SORBS2: variants seen among roughly 807,000 people sequenced by gnomAD.
SORBS2 encodes sorbin and SH3 domain containing 2.
Under a neutral mutation model 97.7 loss-of-function variants are expected in SORBS2, and 46 were observed. That is an observed-to-expected ratio of 0.47 (90% CI 0.37 to 0.60). The LOEUF (loss-of-function observed/expected upper bound fraction) is 0.60. Ranked by LOEUF, SORBS2 falls within the 20% of genes least tolerant of loss-of-function variation. The pLI, the probability that SORBS2 is intolerant of heterozygous loss-of-function variation, is 0.00. For missense variants in SORBS2, 1,316 were observed against 1,282.3 expected (o/e 1.03, Z -0.40); for synonymous variants, 476 against 473.4 (o/e 1.01, Z -0.07).
intron 1 of SORBS2, among the ~76,000 whole-genome samples, chr4:185,864,610 A>G (rs2099225731): frequency 2.0e-5 from 3 of 152,166 alleles, no homozygotes; most frequent in African/African-American, 7.2e-5. Context: ...CCTTGGTAAG[A>G]GCAAATAGAT....
chr4:185,945,696 T>C (rs2099274206), intron 1 of SORBS2, among the ~76,000 whole-genome samples: 2 of 152,182 alleles, frequency 1.3e-5, no homozygotes, highest in African/African-American at 4.8e-5. Context: ...TTAAAAATGG[T>C]TGACATGTTA....
At chr4:185,851,074 GC>G (rs1157652567) in intron 1 of SORBS2, among the ~76,000 whole-genome samples, 2 of 152,142 alleles carry the variant, frequency 1.3e-5, no homozygotes, top group African/African-American at 4.8e-5. Flanking sequence ...TTTCCTGGCT[GC>G]CATAATCACA....
intron 1 of SORBS2, among the ~76,000 whole-genome samples, chr4:185,793,827 G>A (rs1180039652): frequency 6.6e-6 from 1 of 152,186 alleles, no homozygotes; most frequent in African/African-American, 2.4e-5. Flanking sequence ...TATGATCTAT[G>A]CACAGCATCC....
At chr4:185,585,590 TTCAAAG>T (rs1172899077) in exon 15 of SORBS2, 1 of 151,782 alleles carries the variant, frequency 6.6e-6, no homozygotes, top group Non-Finnish European at 1.5e-5. Flanking sequence ...CTTGTAAGAA[TTCAAAG>T]TCAATTACCT....
rs193024277 is a variant in SORBS2, at chr4:185,734,637, C to T, written c.-198+40590G>A. ...ATATCCCTCGCATCTGCCGTTCCCA[C>T]CTCCTCCTTGCTTTTCCAGTCCTTT... On this transcript the variant is annotated intron_variant, in intron 2 of 20. Coordinates refer to the SORBS2 transcript ENST00000284776. Among the ~76,000 whole-genome samples, 3 of 152,328 alleles carry T rather than the reference C, an allele frequency of 2.0e-5. No homozygotes were observed. In the East Asian group the frequency reaches 5.8e-4, roughly 29 times the overall value.
intron 1 of SORBS2, among the ~76,000 whole-genome samples, chr4:185,820,992 C>T (rs556100313): frequency 2.0e-5 from 3 of 152,322 alleles, no homozygotes; most frequent in Non-Finnish European, 1.5e-5. Flanking sequence ...ATCCGACAAA[C>T]ATTTCTTCAA....
chr4:185,837,636 C>T (rs192756658), intron 1 of SORBS2, among the ~76,000 whole-genome samples: 3 of 152,230 alleles, frequency 2.0e-5, no homozygotes, highest in Admixed American at 2.0e-4. Flanking sequence ...ACCTCTAATA[C>T]AATTGTTAAC....
intron 2 of SORBS2, among the ~76,000 whole-genome samples, chr4:185,767,906 G>T (rs149694181): frequency 2.6e-5 from 4 of 152,274 alleles, no homozygotes; most frequent in African/African-American, 9.6e-5. Flanking sequence ...CAGGGGCTTT[G>T]CATGGGACCT....
chr4:185,609,604 T>C (rs931299791), intron 12 of SORBS2, among the ~76,000 whole-genome samples: 4 of 152,196 alleles, frequency 2.6e-5, no homozygotes, highest in Non-Finnish European at 5.9e-5. Flanking sequence ...AATTATTTTG[T>C]TTTCCAAAAG....
intron 1 of SORBS2, among the ~76,000 whole-genome samples, chr4:185,859,592 C>T (rs1181717444): frequency 3.3e-5 from 5 of 152,160 alleles, no homozygotes; most frequent in African/African-American, 1.2e-4. Flanking sequence ...GTTTGGGCCC[C>T]CATGATTCCC....
In SORBS2 at chr4:185,912,585, CAAAAAAAAAAA is replaced by C. The variant is rs60906233; in HGVS notation, c.-338+43600_-338+43610del. On this transcript the variant is annotated intron_variant, in intron 1 of 20. Transcript: ENST00000284776. ...GGGCAACAAGAACGAAACTCCATCT[CAAAAAAAAAAA>C]AAAAAAAAAAAAAAAGAGTTTCTAT... is the stretch of plus-strand genomic sequence containing the variant. Among the ~76,000 whole-genome samples, 513 of 64,384 alleles carry C rather than the reference CAAAAAAAAAAA, an allele frequency of 8.0e-3. 6 individuals carry two copies. Among genetic ancestry groups the C allele is most frequent in the African/African-American group, 0.031 (485 of 15,636 alleles). The allele number at this position is 64,384 out of a possible 152,430, so 42.2% of individuals were successfully genotyped here. A position where few individuals can be genotyped will look rare whatever the true frequency, so the allele number is the denominator to read the frequency against.
intron 4 of SORBS2, chr4:185,666,084 A>G: frequency 7.8e-7 from 1 of 1,289,790 alleles, no homozygotes; most frequent in East Asian, 5.6e-5. Context: ...CTGGTGAGAA[A>G]GTGGCTCGGT....
intron 2 of SORBS2, among the ~76,000 whole-genome samples, chr4:185,742,484 A>G (rs2098733524): frequency 1.3e-5 from 2 of 152,214 alleles, no homozygotes. Flanking sequence ...TACTGCCCAG[A>G]CATACGGATC....
chr4:185,722,672 C>T (rs913292480), intron 2 of SORBS2, among the ~76,000 whole-genome samples: 5 of 152,128 alleles, frequency 3.3e-5, no homozygotes, highest in African/African-American at 1.2e-4. Context: ...CCATAAGGAA[C>T]CTCCTCCTTC....
chr4:185,604,579 G>A (rs947949979), intron 12 of SORBS2, among the ~76,000 whole-genome samples: 1 of 152,140 alleles, frequency 6.6e-6, no homozygotes. Context: ...CTCAGAATGA[G>A]GTTACATGCT....
chr4:185,899,020 C>T (rs1311041572), intron 1 of SORBS2, among the ~76,000 whole-genome samples: 1 of 151,938 alleles, frequency 6.6e-6, no homozygotes, highest in East Asian at 1.9e-4. Context: ...AAGCAAGGAA[C>T]CTAAAATCTC....
At chr4:185,681,982 A>G (rs565631276) in intron 2 of SORBS2, among the ~76,000 whole-genome samples, 1 of 152,228 alleles carries the variant, frequency 6.6e-6, no homozygotes. Flanking sequence ...TTTCTTTAGA[A>G]GACTCAAGTG....
At chr4:185,910,494 CAGAT>C (rs1579445097) in intron 1 of SORBS2, among the ~76,000 whole-genome samples, 3 of 152,184 alleles carry the variant, frequency 2.0e-5, no homozygotes, top group South Asian at 4.1e-4. Context: ...ATTCAGAACA[CAGAT>C]AGAGCTTGAA....
At chr4:185,890,123 G>T (rs2099241712) in intron 1 of SORBS2, among the ~76,000 whole-genome samples, 1 of 152,144 alleles carries the variant, frequency 6.6e-6, no homozygotes, top group Non-Finnish European at 1.5e-5. Context: ...CTGACCTCAA[G>T]TGATCCACCC....
Sources: allele counts gnomAD v4.1 joint callset (sites outside exome capture counted in the v4.1 genomes callset), GRCh38; gene constraint gnomAD v4.1.1; transcripts MANE v1.5; gene names NCBI Gene and HGNC (gene_info 2026-07-23, HGNC 2026-07-21).